The following GRIN2B variants were observed in gnomAD, a reference collection of about 807,000 sequenced individuals.
GRIN2B encodes glutamate ionotropic receptor NMDA type subunit 2B.
Under a neutral mutation model 114.5 loss-of-function variants are expected in GRIN2B, and 5 were observed. That is an observed-to-expected ratio of 0.04 (90% CI 0.02 to 0.09). The LOEUF (loss-of-function observed/expected upper bound fraction) is 0.09, where lower values mean the gene tolerates loss of function less well. GRIN2B is among the 10% of genes least tolerant of loss of function. GRIN2B has a pLI of 1.00. For missense variants in GRIN2B, 1,108 were observed against 1,943.5 expected, an observed-to-expected ratio of 0.57 and a Z score of 8.08; for synonymous variants, 787 against 745.1, an observed-to-expected ratio of 1.06 and a Z score of -0.92.
intron 3 of GRIN2B, among the ~76,000 whole-genome samples, chr12:13,773,169 C>T (rs1246256604): frequency 2.6e-5 from 4 of 152,172 alleles, no homozygotes; most frequent in African/African-American, 9.7e-5. Flanking sequence ...TCCTACCCAT[C>T]CAGCAATAAA....
chr12:13,812,474 C>A (rs1171804787), intron 3 of GRIN2B, among the ~76,000 whole-genome samples: 1 of 143,422 alleles, frequency 7.0e-6, no homozygotes, highest in Admixed American at 6.9e-5. Flanking sequence ...CTTTTTTTTT[C>A]ATTGTTCCTC....
At chr12:13,778,412 G>A (rs2136652730) in intron 3 of GRIN2B, among the ~76,000 whole-genome samples, 1 of 152,292 alleles carries the variant, frequency 6.6e-6, no homozygotes, top group Admixed American at 6.5e-5. Flanking sequence ...ACAAGTTACA[G>A]TTCCCCATAA....
chr12:13,727,006 G>A (rs1189423688), intron 4 of GRIN2B, among the ~76,000 whole-genome samples: 1 of 152,078 alleles, frequency 6.6e-6, no homozygotes, highest in African/African-American at 2.4e-5. Context: ...TTTTTCAGAT[G>A]AGGAAACTGA....
intron 5 of GRIN2B, among the ~76,000 whole-genome samples, chr12:13,653,371 G>A (rs940389266): frequency 6.6e-6 from 1 of 152,036 alleles, no homozygotes; most frequent in Non-Finnish European, 1.5e-5. Context: ...TTGGGTTCAG[G>A]AGAAATATCA....
intron 2 of GRIN2B, among the ~76,000 whole-genome samples, chr12:13,894,655 A>G (rs1400163965): frequency 6.6e-6 from 1 of 152,132 alleles, no homozygotes; most frequent in Non-Finnish European, 1.5e-5. Flanking sequence ...TAATCAGAAA[A>G]AATTATTAAA....
At chr12:13,898,458 C>T (rs1204371857) in intron 2 of GRIN2B, among the ~76,000 whole-genome samples, 2 of 152,202 alleles carry the variant, frequency 1.3e-5, no homozygotes, top group Non-Finnish European at 2.9e-5. Context: ...CAGGCTAGTG[C>T]TTTTAACCAC....
At chr12:13,694,678 TATATATATATATATATATATATATAA>T (rs1466835544) in intron 4 of GRIN2B, among the ~76,000 whole-genome samples, 5 of 102,554 alleles carry the variant, frequency 4.9e-5, no homozygotes, top group African/African-American at 1.5e-4. Context: ...TATATATATA[TATATATATATATATATATATATATAA>T]ATTAATTAAT....
At chr12:13,591,347 C>A (rs536556688) in intron 10 of GRIN2B, among the ~76,000 whole-genome samples, 2 of 152,124 alleles carry the variant, frequency 1.3e-5, no homozygotes, top group Admixed American at 6.6e-5. Context: ...AGGAGCGAAC[C>A]CTGGGTGGAT....
chr12:13,855,079 G>A (rs57067756), intron 3 of GRIN2B, among the ~76,000 whole-genome samples: 1,410 of 106,376 alleles, frequency 0.013, 25 homozygotes, highest in African/African-American at 0.047. Flanking sequence ...ATTGCCTGGC[G>A]TGGTGGTGCA....
At chr12:13,876,453 C>T in intron 2 of GRIN2B, among the ~76,000 whole-genome samples, 1 of 152,184 alleles carries the variant, frequency 6.6e-6, no homozygotes. Context: ...GCCCTCCCAC[C>T]TCCTTCCCTG....
chr12:13,971,629 C>A (rs1259617259), intron 2 of GRIN2B, among the ~76,000 whole-genome samples: 3 of 152,186 alleles, frequency 2.0e-5, no homozygotes, highest in African/African-American at 7.2e-5. Flanking sequence ...GCTTAGCCAG[C>A]CCCATTTATT....
chr12:13,716,396 T>G (rs981991822), intron 4 of GRIN2B, among the ~76,000 whole-genome samples: 2 of 151,906 alleles, frequency 1.3e-5, no homozygotes, highest in Admixed American at 1.3e-4. Context: ...AGTAGTAATC[T>G]AAGCATCTAA....
chr12:13,780,555 C>G (rs1476710622), intron 3 of GRIN2B, among the ~76,000 whole-genome samples: 1 of 152,016 alleles, frequency 6.6e-6, no homozygotes, highest in Non-Finnish European at 1.5e-5. Flanking sequence ...GAAATGGGAA[C>G]ATTAATGACT....
At chr12:13,850,628 A>G (rs540310617) in intron 3 of GRIN2B, among the ~76,000 whole-genome samples, 44 of 152,194 alleles carry the variant, frequency 2.9e-4, no homozygotes, top group African/African-American at 1.0e-3. Flanking sequence ...CTTATTCTGA[A>G]TATTTAGGTC....
At chr12:13,894,630 C>A (rs1306009805) in intron 2 of GRIN2B, among the ~76,000 whole-genome samples, 1 of 151,764 alleles carries the variant, frequency 6.6e-6, no homozygotes, top group Non-Finnish European at 1.5e-5. Flanking sequence ...CCACAATGAA[C>A]TTATGTTATT....
intron 2 of GRIN2B, among the ~76,000 whole-genome samples, chr12:13,915,911 C>A (rs1028688602): frequency 6.6e-6 from 1 of 151,968 alleles, no homozygotes; most frequent in African/African-American, 2.4e-5. Flanking sequence ...CCTTCAATCA[C>A]TAGGCAACTA....
chr12:13,630,486 G>A (rs1193742463), intron 5 of GRIN2B, among the ~76,000 whole-genome samples: 1 of 152,150 alleles, frequency 6.6e-6, no homozygotes, highest in Non-Finnish European at 1.5e-5. Flanking sequence ...TGTGACACAT[G>A]TAGAGACTTG....
intron 4 of GRIN2B, among the ~76,000 whole-genome samples, chr12:13,722,623 T>C (rs1006398583): frequency 1.1e-4 from 17 of 152,064 alleles, no homozygotes; most frequent in Non-Finnish European, 2.9e-5. Context: ...GTGCTACTTA[T>C]AGAAAAGAGG....
At chr12:13,768,095 A>G (rs1172872888) in intron 3 of GRIN2B, among the ~76,000 whole-genome samples, 2 of 152,230 alleles carry the variant, frequency 1.3e-5, no homozygotes, top group African/African-American at 4.8e-5. Context: ...CACTTTGCTC[A>G]GTGAATGCCT....
Sources: allele counts gnomAD v4.1 joint callset (sites outside exome capture counted in the v4.1 genomes callset), GRCh38; gene constraint gnomAD v4.1.1; transcripts MANE v1.5; gene names NCBI Gene and HGNC (gene_info 2026-07-23, HGNC 2026-07-21).